POLL: variants seen among roughly 807,000 people sequenced by gnomAD.
The protein encoded by POLL is DNA polymerase beta-2.
POLL carries 44 observed loss-of-function variants against 58.1 expected under a neutral mutation model. The observed-to-expected ratio is 0.76, with a 90% CI of 0.60 to 0.97. The LOEUF is 0.97. Among genes scored for constraint, POLL ranks in the 50% least tolerant of loss-of-function variants. POLL has a pLI of 0.00. For missense variants in POLL, 632 were observed against 736.8 expected, an observed-to-expected ratio of 0.86 and a Z score of 1.65; for synonymous variants, 290 against 283.2, an observed-to-expected ratio of 1.02 and a Z score of -0.24.
chr10:101,585,954 A>C lies in POLL; in HGVS notation c.318T>G (p.Gly106=). 1 of 1,613,972 alleles carries C rather than the reference A, an allele frequency of 6.2e-7. No individual in the cohort carries two copies. Among genetic ancestry groups the C allele is most frequent in the Non-Finnish European group, 8.5e-7 (1 of 1,179,902 alleles). Residue 106 remains glycine, a synonymous_variant, in exon 3 of 9, where the codon GGT becomes GGG. Transcript: ENST00000370162. The part of the protein sequence containing the change: ...RLLRLPQLPP[G]AQLVKSAWLS... Reference sequence around the variant, plus strand: ...GCCAGGCTGACTTCACCAGCTGAGCACCCGGGGGCAGCTGGGGTAGTCTGA... The same window carrying C: ...GCCAGGCTGACTTCACCAGCTGAGCCCCCGGGGGCAGCTGGGGTAGTCTGA...
chr10:101,582,098 G>C (rs1235924071), intron 7 of POLL: 1 of 152,262 alleles, frequency 6.6e-6, no homozygotes, highest in Non-Finnish European at 1.5e-5. Context: ...GAGCTCAGAT[G>C]ATCTGTCCAC....
chr10:101,580,198 G>T lies in POLL; in HGVS notation c.1363+50C>A. 6.5e-7 allele frequency: 1 copy of T among 1,545,054 alleles called. No individual in the cohort carries two copies. The highest frequency in any genetic ancestry group is 8.8e-7 in the Non-Finnish European group (1 of 1,135,322). On this transcript the variant is annotated intron_variant, in intron 8 of 8. Coordinates refer to ENST00000370162, the MANE Select transcript of POLL (RefSeq NM_001174084.2). The surrounding 1 kb of genome is among the most constrained non-coding windows in gnomAD (Gnocchi z 4.1). ...GGTTCTCCCTCTGAGGGGGCCCCCAGACCTGTGCTGCCCTCTGTCAACCTG... is the reference window on the plus strand; with the variant it reads ...GGTTCTCCCTCTGAGGGGGCCCCCATACCTGTGCTGCCCTCTGTCAACCTG...
In POLL at chr10:101,580,615, C is replaced by T. The variant is rs1273180488; in HGVS notation, c.1195-199G>A. 1.7e-6 allele frequency: 1 copy of T among 572,816 alleles called. No individual in the cohort carries two copies. 35.5% of individuals were successfully genotyped at this position (572,816 alleles called of 1,614,324 possible). A position where few individuals can be genotyped will look rare whatever the true frequency, so the allele number is the denominator to read the frequency against. ...AGGACAGGAGAGAAGAAAAAGCTCACTGTGCAGGAGGCAAGCCTGAGGAGA... is the reference window on the plus strand; with the variant it reads ...AGGACAGGAGAGAAGAAAAAGCTCATTGTGCAGGAGGCAAGCCTGAGGAGA... On this transcript the variant is annotated intron_variant, in intron 7 of 8. Transcript: ENST00000370162. This position sits in a 1 kb window ranked among gnomAD's most constrained non-coding sequence, Gnocchi z 4.1.
Position 101,579,694 on chromosome 10 carries a change from T to C in POLL, c.1487A>G (p.Tyr496Cys), listed in dbSNP as rs747718878. 3.1e-6 allele frequency: 5 copies of C among 1,613,738 alleles called. No homozygotes were observed. The South Asian group carries it at 3.3e-5, about 11-fold the overall frequency. The change falls in exon 9 of 9, where the codon TAT (tyrosine) becomes TGT (cysteine). Residue 496 changes from tyrosine (Y) to cysteine (C), a missense_variant. Tyr to Cys is a radical substitution (Grantham distance 194). Coordinates refer to ENST00000370162, the MANE Select transcript of POLL (RefSeq NM_001174084.2). The surrounding 1 kb of genome is among the most constrained non-coding windows in gnomAD (Gnocchi z 4.4). The part of the protein sequence containing the change: ...HRRLDIIVVP[Y>C]SEFACALLYF... The stretch of plus-strand genomic sequence containing the variant: ...GAGCAGGGCACAGGCAAACTCGCTA[T>C]AGGGCACCACGATGATGTCCAGGCG...
chr10:101,585,522 C>A, intron 3 of POLL, 44 bp from the exon 4 acceptor site: 2 of 1,443,556 alleles, frequency 1.4e-6, no homozygotes, highest in Non-Finnish European at 1.9e-6. Context: ...AAGGTCTCAC[C>A]CTGTATCTGT....
Position 101,580,917 on chromosome 10 carries a change from G to A in POLL, c.1195-501C>T, listed in dbSNP as rs1390206744. The A allele has an allele frequency of 6.5e-6, 1 of 153,200 alleles. No individual in the cohort carries two copies. The highest frequency in any genetic ancestry group is 1.5e-5 in the Non-Finnish European group (1 of 68,804). 9.5% of individuals were successfully genotyped at this position (153,200 alleles called of 1,614,324 possible). On this transcript the variant is annotated intron_variant, in intron 7 of 8. Transcript: ENST00000370162. The surrounding 1 kb of genome is among the most constrained non-coding windows in gnomAD (Gnocchi z 4.1). ...GGCTGGCAGCATGCGCCAGGCCCAGGCCCAGGAGAAAGTGGAGCACAGAAA... is the reference window on the plus strand; with the variant it reads ...GGCTGGCAGCATGCGCCAGGCCCAGACCCAGGAGAAAGTGGAGCACAGAAA...
chr10:101,584,957 T>C, intron 4 of POLL, 38 bp from the exon 5 acceptor site: 1 of 1,256,268 alleles, frequency 8.0e-7, no homozygotes, highest in Non-Finnish European at 1.0e-6. Flanking sequence ...TAAATTCTTG[T>C]TCTCCAAGAG....
chr10:101,586,638 C>T (rs777736799), intron 2 of POLL, among the ~76,000 whole-genome samples: 7 of 152,130 alleles, frequency 4.6e-5, no homozygotes, highest in Non-Finnish European at 8.8e-5. Flanking sequence ...GGATTACCGG[C>T]GTGTGCCACC....
At chr10:101,585,602 G>T in intron 3 of POLL, 124 bp from the exon 4 acceptor site, 1 of 915,478 alleles carries the variant, frequency 1.1e-6, no homozygotes, top group South Asian at 2.3e-5. Flanking sequence ...AGTTTTTTGA[G>T]GTTTTTGGAG....
intron 6 of POLL, 61 bp from the exon 7 acceptor site, chr10:101,582,952 T>C (rs1376227486): frequency 1.2e-6 from 2 of 1,603,900 alleles, no homozygotes; most frequent in African/African-American, 1.3e-5. Flanking sequence ...GAGGCATGAG[T>C]GAGCACACAC....
At chr10:101,582,412 G>A (rs1417189718) in intron 7 of POLL, among the ~76,000 whole-genome samples, 5 of 152,196 alleles carry the variant, frequency 3.3e-5, no homozygotes, top group Non-Finnish European at 7.4e-5. Flanking sequence ...AAAACCCTCT[G>A]CCCTGACCCA....
At chr10:101,586,715 G>A (rs879865300) in intron 2 of POLL, among the ~76,000 whole-genome samples, 6 of 152,084 alleles carry the variant, frequency 3.9e-5, no homozygotes, top group Non-Finnish European at 4.4e-5. Flanking sequence ...AGCTGGTCTC[G>A]AACTCCTGAG....
At chr10:101,585,522 C>G (rs1291955502) in intron 3 of POLL, 44 bp from the exon 4 acceptor site, 1 of 1,443,556 alleles carries the variant, frequency 6.9e-7, no homozygotes, top group Non-Finnish European at 9.3e-7. Flanking sequence ...AAGGTCTCAC[C>G]CTGTATCTGT....
chr10:101,586,031 TGA>T lies in POLL; in HGVS notation c.239_240del (p.Val80AspfsTer7), dbSNP rs751863141. ...GQLCPAQGPG[V>X]THIVVDEGMD... ...ATGCCTTCATCCACCACAATGTGAG[TGA>T]CACCTGGGCCCTGGGCAGGGCATAG... On this transcript the variant is annotated frameshift_variant, in exon 3 of 9. Transcript: ENST00000370162. LOFTEE classifies it high-confidence loss of function. The T allele has an allele frequency of 4.3e-6, 7 of 1,613,962 alleles. No individual in the cohort carries two copies. Among genetic ancestry groups the T allele is most frequent in the Admixed American group, 1.7e-5 (1 of 60,004 alleles).
intron 4 of POLL, 110 bp from the exon 5 acceptor site, chr10:101,585,029 C>T: frequency 1.3e-6 from 1 of 780,746 alleles, no homozygotes; most frequent in Non-Finnish European, 1.9e-6. Flanking sequence ...CTAGTCAGAC[C>T]TAAGAATGAG....
chr10:101,582,540 G>A (rs181465778), intron 7 of POLL, among the ~76,000 whole-genome samples: 1 of 152,246 alleles, frequency 6.6e-6, no homozygotes, highest in East Asian at 1.9e-4. Context: ...CTGAGAACCA[G>A]AATCTAGAGG....
chr10:101,581,993 A>G (rs1207544756), intron 7 of POLL: 1 of 152,172 alleles, frequency 6.6e-6, no homozygotes, highest in Non-Finnish European at 1.5e-5. Flanking sequence ...TTTTTAGTAG[A>G]GACGGGGTTT....
chr10:101,583,348 CTA>C (rs2063109006), intron 6 of POLL, among the ~76,000 whole-genome samples, 158 bp downstream of exon 6: 1 of 152,212 alleles, frequency 6.6e-6, no homozygotes, highest in Admixed American at 6.5e-5. Flanking sequence ...GCTGAGGGGT[CTA>C]TATGAGTCCT....
chr10:101,587,351 T>C lies in POLL; in HGVS notation c.10A>G (p.Arg4Gly), dbSNP rs1274956930. Reference sequence around the variant, plus strand: ...TTGGGAAATGCCTTCAAGATACCCCTGGGATCCATTGAAGTATGGCTGGAT... The same window carrying C: ...TTGGGAAATGCCTTCAAGATACCCCCGGGATCCATTGAAGTATGGCTGGAT... The part of the protein sequence containing the change: MDP[R>G]GILKAFPKRQ... The change falls in exon 2 of 9, where the codon AGG becomes GGG. Residue 4 changes from arginine to glycine, a missense_variant. Physicochemically the swap from Arg to Gly is moderately radical, Grantham distance 125. Coordinates refer to ENST00000370162, the MANE Select transcript of POLL (RefSeq NM_001174084.2). 1 of 1,613,976 alleles carries C rather than the reference T, an allele frequency of 6.2e-7. No individual in the cohort carries two copies. Among genetic ancestry groups the C allele is most frequent in the Non-Finnish European group, 8.5e-7 (1 of 1,179,866 alleles).
Sources: allele counts gnomAD v4.1 joint callset (sites outside exome capture counted in the v4.1 genomes callset), GRCh38; gene constraint gnomAD v4.1.1; non-coding constraint Gnocchi (gnomAD v3.1); transcripts MANE v1.5; gene names NCBI Gene and HGNC (gene_info 2026-07-23, HGNC 2026-07-21).